The following ARNT2 variants were observed in gnomAD, a reference collection of about 807,000 sequenced individuals.
ARNT2 encodes ARNT protein 2.
ARNT2 carries 36 observed loss-of-function variants against 91.7 expected under a neutral mutation model. That is an observed-to-expected ratio of 0.39 (90% CI 0.30 to 0.52). The LOEUF is 0.52. Among genes scored for constraint, ARNT2 ranks in the 20% least tolerant of loss-of-function variants. The pLI is 0.72. For synonymous variants in ARNT2, 365 were observed against 347.1 expected (o/e 1.05, Z -0.57); for missense variants, 775 against 939.3 (o/e 0.83, Z 2.29).
chr15:80,586,946 C>A lies in ARNT2; in HGVS notation c.1919-4622C>A, dbSNP rs1224641499. On this transcript the variant is annotated intron_variant, in intron 17 of 18. Transcript: ENST00000303329. Reference sequence around the variant, plus strand: ...GGGTAGACTAAGCACAGGCAGGGAGCCAGTAGGATTTTGCTGATCTGAAAT... The same window carrying A: ...GGGTAGACTAAGCACAGGCAGGGAGACAGTAGGATTTTGCTGATCTGAAAT... Among the ~76,000 whole-genome samples, 3 of 152,036 alleles carry A rather than the reference C, an allele frequency of 2.0e-5. No individual in the cohort carries two copies. In the East Asian group the frequency reaches 5.8e-4, roughly 29 times the overall value.
rs61034995 is a variant in ARNT2 at position 80,515,735 on chromosome 15, CAA to C, written c.877+1344_877+1345del. Among the ~76,000 whole-genome samples the C allele has an allele frequency of 3.9e-4, 53 of 136,102 alleles. No individual in the cohort carries two copies. In the East Asian group the frequency reaches 4.9e-3, roughly 13 times the overall value. The allele number at this position is 136,102 out of a possible 152,430, so 89.3% of individuals were successfully genotyped here. On this transcript the variant is annotated intron_variant, in intron 8 of 18. Transcript: ENST00000303329. ...TATATCAATAAATTTGTTCCTAAACCAAAAAAAAAAAAAAATACAATGTTAAA... is the reference window on the plus strand; with the variant it reads ...TATATCAATAAATTTGTTCCTAAACCAAAAAAAAAAAAATACAATGTTAAA...
intron 1 of ARNT2, among the ~76,000 whole-genome samples, chr15:80,441,804 A>T (rs191754413): frequency 1.9e-3 from 283 of 152,372 alleles, no homozygotes; most frequent in Non-Finnish European, 3.1e-3. Flanking sequence ...TAGATGCTGC[A>T]TTATAAGCCA....
chr15:80,449,333 G>A (rs1190388727), intron 1 of ARNT2, among the ~76,000 whole-genome samples: 1 of 152,130 alleles, frequency 6.6e-6, no homozygotes, highest in African/African-American at 2.4e-5. Flanking sequence ...CAGTGATTCT[G>A]CCCTTCAGTT....
At chr15:80,581,787 T>G (rs997278913) in intron 17 of ARNT2, among the ~76,000 whole-genome samples, 5 of 152,238 alleles carry the variant, frequency 3.3e-5, no homozygotes, top group Non-Finnish European at 5.9e-5. Context: ...TAAATAACAC[T>G]GCAAAGTTTT....
Position 80,429,123 on chromosome 15 carries a change from C to T in ARNT2, c.32-21757C>T, listed in dbSNP as rs536921973. Among the ~76,000 whole-genome samples, 3 of 152,300 alleles carry T rather than the reference C, an allele frequency of 2.0e-5. No homozygotes were observed. In the East Asian group the frequency reaches 5.8e-4, roughly 29 times the overall value. ...TAAGAAATATATATTTGGTCTTCAC[C>T]TGTTTCCTGACAAACAGCTCCTAAA... On this transcript the variant is annotated intron_variant, in intron 1 of 18. Transcript: ENST00000303329.
intron 1 of ARNT2, among the ~76,000 whole-genome samples, chr15:80,435,619 C>T (rs1896074761): frequency 6.6e-6 from 1 of 152,158 alleles, no homozygotes; most frequent in African/African-American, 2.4e-5. Flanking sequence ...CCCTCCCTCC[C>T]TCTGTCCACA....
intron 12 of ARNT2, among the ~76,000 whole-genome samples, chr15:80,568,984 T>C (rs906666493): frequency 3.3e-5 from 5 of 152,116 alleles, no homozygotes; most frequent in African/African-American, 1.2e-4. Context: ...ACCGTGCTGC[T>C]CCCTGCCCTG....
At chr15:80,457,856 T>C in intron 2 of ARNT2, 73 bp from the exon 3 acceptor site, 1 of 1,533,812 alleles carries the variant, frequency 6.5e-7, no homozygotes. Context: ...GCTCCTTTTG[T>C]TCCAGCAGCT....
chr15:80,432,882 C>A (rs960349616), intron 1 of ARNT2, among the ~76,000 whole-genome samples: 1 of 152,164 alleles, frequency 6.6e-6, no homozygotes, highest in Admixed American at 6.5e-5. Flanking sequence ...CATCGAGGAG[C>A]ATCCCATTTG....
chr15:80,592,894 G>A lies in ARNT2; in HGVS notation c.2056-706G>A, dbSNP rs542812896. On this transcript the variant is annotated intron_variant, in intron 18 of 18. Coordinates refer to ENST00000303329, the MANE Select transcript of ARNT2 (RefSeq NM_014862.4). The stretch of plus-strand genomic sequence containing the variant: ...AAAGTTATTGAGTTTCTTTATTGCA[G>A]GACGTATCAGAGCTTTTATTACACC... 9.8e-5 allele frequency among the ~76,000 whole-genome samples: 15 copies of A among 152,370 alleles called. No individual in the cohort carries two copies. In the South Asian group the frequency reaches 3.1e-3, roughly 32 times the overall value.
In ARNT2 at chr15:80,594,215, C is replaced by T. The variant is rs1047140054; in HGVS notation, c.*517C>T. On this transcript the variant is annotated 3_prime_UTR_variant, in exon 19 of 19. Transcript: ENST00000303329. The stretch of plus-strand genomic sequence containing the variant: ...CAAGAAGCACAGAGACACAGAGGCG[C>T]CTGCCCCTCAGCTCCGCTGGTCTGT... The T allele has an allele frequency of 6.4e-6, 1 of 155,558 alleles. No individual in the cohort carries two copies. Among genetic ancestry groups the T allele is most frequent in the African/African-American group, 2.4e-5 (1 of 41,518 alleles). The allele number at this position is 155,558 out of a possible 1,614,324, so 9.6% of individuals were successfully genotyped here. A position where few individuals can be genotyped will look rare whatever the true frequency, so the allele number is the denominator to read the frequency against.
Position 80,577,370 on chromosome 15 carries a change from G to A in ARNT2, c.1613+405G>A, listed in dbSNP as rs115128778. ...AAGACTGGTCAGCTCAGCCCACCAC[G>A]TCTGAGCCTCATCCTAAAGGGCACT... On this transcript the variant is annotated intron_variant, in intron 15 of 18. Coordinates refer to ENST00000303329, the MANE Select transcript of ARNT2 (RefSeq NM_014862.4). 4.6e-5 allele frequency among the ~76,000 whole-genome samples: 7 copies of A among 152,344 alleles called. 1 individual carries two copies. The South Asian group carries it at 6.2e-4, about 14-fold the overall frequency.
intron 1 of ARNT2, among the ~76,000 whole-genome samples, chr15:80,405,397 G>C (rs1895584510): frequency 1.3e-5 from 2 of 152,142 alleles, no homozygotes; most frequent in Non-Finnish European, 2.9e-5. Context: ...GGGCACGGCA[G>C]GTTGCTGGGT....
At chr15:80,521,742 C>T (rs1034119542) in intron 8 of ARNT2, among the ~76,000 whole-genome samples, 33 of 152,040 alleles carry the variant, frequency 2.2e-4, no homozygotes, top group African/African-American at 7.5e-4. Context: ...TGGTAATTGG[C>T]AAGCAAATGA....
chr15:80,505,058 G>A (rs529107490), intron 5 of ARNT2, among the ~76,000 whole-genome samples: 18 of 152,282 alleles, frequency 1.2e-4, no homozygotes, highest in Non-Finnish European at 1.8e-4. Flanking sequence ...AGTGTGACGC[G>A]ATCATTTGAT....
At chr15:80,545,688 T>A (rs1465162078) in intron 8 of ARNT2, among the ~76,000 whole-genome samples, 1 of 152,200 alleles carries the variant, frequency 6.6e-6, no homozygotes, top group East Asian at 1.9e-4. Context: ...CAACTCTAGA[T>A]GTCATTAGCA....
At chr15:80,451,270 G>A (rs1047463084) in intron 2 of ARNT2, among the ~76,000 whole-genome samples, 2 of 152,210 alleles carry the variant, frequency 1.3e-5, no homozygotes, top group African/African-American at 4.8e-5. Context: ...GAAGGGAGAG[G>A]GCTCACCCGT....
chr15:80,440,283 G>A (rs1251459418), intron 1 of ARNT2, among the ~76,000 whole-genome samples: 1 of 152,180 alleles, frequency 6.6e-6, no homozygotes, highest in Admixed American at 6.5e-5. Context: ...GGGTCATCTC[G>A]CACAGAGTGG....
At chr15:80,539,616 A>C (rs1272742189) in intron 8 of ARNT2, among the ~76,000 whole-genome samples, 11 of 152,156 alleles carry the variant, frequency 7.2e-5, no homozygotes, top group Non-Finnish European at 1.6e-4. Context: ...AAATATAATT[A>C]CTTAAGAGGT....
Sources: allele counts gnomAD v4.1 joint callset (sites outside exome capture counted in the v4.1 genomes callset), GRCh38; gene constraint gnomAD v4.1.1; transcripts MANE v1.5; gene names NCBI Gene and HGNC (gene_info 2026-07-23, HGNC 2026-07-21).